The following MARCHF1 variants were observed in gnomAD, a reference collection of about 807,000 sequenced individuals.
MARCHF1 encodes membrane associated ring-CH-type finger 1.
MARCHF1 carries 40 observed loss-of-function variants against 54.2 expected under a neutral mutation model. The ratio of observed to expected loss-of-function variants is 0.74; its 90% CI spans 0.57 to 0.96. The LOEUF (loss-of-function observed/expected upper bound fraction) is 0.96, where lower values mean the gene tolerates loss of function less well. MARCHF1 is among the 40% of genes least tolerant of loss of function. The pLI is 0.00. For synonymous variants in MARCHF1, 236 were observed against 236.3 expected (o/e 1.00, Z 0.01); for missense variants, 586 against 656.5 (o/e 0.89, Z 1.17).
At chr4:163,613,642 T>A (rs1224150595) in intron 5 of MARCHF1, 1 of 1,413,608 alleles carries the variant, frequency 7.1e-7, no homozygotes, top group African/African-American at 1.4e-5. Context: ...GGAAGATGAT[T>A]CCACAAGTTT....
chr4:164,118,429 T>C (rs528876648), intron 1 of MARCHF1, among the ~76,000 whole-genome samples: 3 of 150,886 alleles, frequency 2.0e-5, no homozygotes, highest in Non-Finnish European at 4.4e-5. Flanking sequence ...TTTATAAAGA[T>C]ATTATTTGTA....
intron 4 of MARCHF1, among the ~76,000 whole-genome samples, chr4:163,786,160 A>G (rs938127548): frequency 1.3e-5 from 2 of 152,020 alleles, no homozygotes; most frequent in Non-Finnish European, 2.9e-5. Context: ...GAAATGTAAG[A>G]TAATAAACTT....
At chr4:163,973,550 A>G (rs1416005023) in intron 3 of MARCHF1, among the ~76,000 whole-genome samples, 1 of 152,234 alleles carries the variant, frequency 6.6e-6, no homozygotes, top group Non-Finnish European at 1.5e-5. Context: ...TCACATAGCC[A>G]TGCCCGGAAA....
chr4:163,996,929 T>C (rs1362730410), intron 2 of MARCHF1, among the ~76,000 whole-genome samples: 1 of 152,040 alleles, frequency 6.6e-6, no homozygotes, highest in Non-Finnish European at 1.5e-5. Flanking sequence ...TCTGGACTTC[T>C]AGCCTCCAGA....
chr4:164,366,907 T>G (rs1237583177), intron 1 of MARCHF1, among the ~76,000 whole-genome samples: 1 of 122,130 alleles, frequency 8.2e-6, no homozygotes, highest in Non-Finnish European at 1.8e-5. Flanking sequence ...ATTTATGTCA[T>G]TACTAAGCAC....
At chr4:164,340,435 A>ATATATATATATATATATAGTTT (rs1729888427) in intron 1 of MARCHF1, among the ~76,000 whole-genome samples, 1 of 136,340 alleles carries the variant, frequency 7.3e-6, no homozygotes, top group Admixed American at 7.6e-5. Flanking sequence ...ATATATATAT[A>ATATATATATATATATATAGTTT]GTTTGTTTGT....
At chr4:163,623,859 G>T (rs1639089296) in intron 5 of MARCHF1, among the ~76,000 whole-genome samples, 1 of 152,116 alleles carries the variant, frequency 6.6e-6, no homozygotes, top group African/African-American at 2.4e-5. Flanking sequence ...CTTGTCACAA[G>T]CAGTGCTTTG....
intron 1 of MARCHF1, among the ~76,000 whole-genome samples, chr4:164,351,733 C>A (rs1311151649): frequency 3.9e-5 from 6 of 152,120 alleles, no homozygotes; most frequent in Admixed American, 1.3e-4. Context: ...CGCAGTTTCT[C>A]ACCAGCAGCG....
chr4:164,312,417 G>A (rs1734880594), intron 1 of MARCHF1, among the ~76,000 whole-genome samples: 1 of 147,720 alleles, frequency 6.8e-6, no homozygotes, highest in Non-Finnish European at 1.5e-5. Flanking sequence ...CCGCCTCCCG[G>A]GTTCACGCCA....
intron 5 of MARCHF1, among the ~76,000 whole-genome samples, chr4:163,658,253 C>G (rs1268881621): frequency 6.6e-6 from 1 of 151,894 alleles, no homozygotes; most frequent in Non-Finnish European, 1.5e-5. Context: ...AGGACATCAA[C>G]AGATGCTTCT....
chr4:163,722,219 G>T (rs1284527567), intron 4 of MARCHF1, among the ~76,000 whole-genome samples: 3 of 151,844 alleles, frequency 2.0e-5, no homozygotes, highest in Non-Finnish European at 2.9e-5. Flanking sequence ...CAGAGATTCT[G>T]GTATGCTGTG....
At chr4:164,361,816 T>TGG (rs1445126348) in intron 1 of MARCHF1, among the ~76,000 whole-genome samples, 1 of 152,094 alleles carries the variant, frequency 6.6e-6, no homozygotes, top group Admixed American at 6.6e-5. Flanking sequence ...GATTTTGAAA[T>TGG]TACATTCACA....
chr4:163,816,428 C>G (rs1748535579), intron 4 of MARCHF1, among the ~76,000 whole-genome samples: 1 of 151,120 alleles, frequency 6.6e-6, no homozygotes, highest in African/African-American at 2.4e-5. Flanking sequence ...AACTCTTTAC[C>G]TTCATACATA....
chr4:163,747,171 T>C (rs912289644), intron 4 of MARCHF1, among the ~76,000 whole-genome samples: 1 of 152,112 alleles, frequency 6.6e-6, no homozygotes, highest in African/African-American at 2.4e-5. Context: ...ACAAAGAAAA[T>C]TGTCTTTCAC....
intron 4 of MARCHF1, among the ~76,000 whole-genome samples, chr4:163,780,507 G>A (rs1038975): frequency 0.48 from 72,206 of 151,870 alleles, 17,616 homozygotes; most frequent in East Asian, 0.83. Flanking sequence ...CTCTATTCAT[G>A]AGGAGACATT....
Position 163,747,970 on chromosome 4 carries a change from T to C in MARCHF1, c.112-47107A>G, listed in dbSNP as rs1275217384. ...GCTGGAGCTGCTTGCTTTTATTCAG[T>C]GCAGGTACAATGCCAAAAACCTGGA... On this transcript the variant is annotated intron_variant, in intron 4 of 9. Coordinates refer to ENST00000514618, the MANE Select transcript of MARCHF1 (RefSeq NM_001394959.1). Among the ~76,000 whole-genome samples, 3 of 152,144 alleles carry C rather than the reference T, an allele frequency of 2.0e-5. No individual in the cohort carries two copies. In the South Asian group the frequency reaches 6.2e-4, roughly 31 times the overall value.
intron 1 of MARCHF1, among the ~76,000 whole-genome samples, chr4:164,262,376 T>C (rs1394639620): frequency 6.6e-6 from 1 of 152,174 alleles, no homozygotes; most frequent in Non-Finnish European, 1.5e-5. Flanking sequence ...AGCAAATGCA[T>C]TGTTTTTCCA....
chr4:163,850,575 A>G (rs1484611277), intron 4 of MARCHF1, among the ~76,000 whole-genome samples: 1 of 152,244 alleles, frequency 6.6e-6, no homozygotes, highest in Non-Finnish European at 1.5e-5. Context: ...AGAAATTTGA[A>G]GCCAAAGCCT....
chr4:163,639,685 T>C (rs1742483361), intron 5 of MARCHF1, among the ~76,000 whole-genome samples: 2 of 152,254 alleles, frequency 1.3e-5, no homozygotes, highest in South Asian at 4.1e-4. Context: ...CAGGTCTTTG[T>C]CACACTATTT....
Sources: allele counts gnomAD v4.1 joint callset (sites outside exome capture counted in the v4.1 genomes callset), GRCh38; gene constraint gnomAD v4.1.1; transcripts MANE v1.5; gene names NCBI Gene and HGNC (gene_info 2026-07-23, HGNC 2026-07-21).